Variants in USP10 observed in about 807,000 individuals in gnomAD.
USP10 encodes the protein ubiquitin specific peptidase 10.
In USP10, 22 loss-of-function variants were observed where a neutral mutation model predicts 84.5. The observed-to-expected ratio is 0.26, with a 90% CI of 0.19 to 0.37. The LOEUF (loss-of-function observed/expected upper bound fraction) is 0.37. USP10 is among the 10% of genes least tolerant of loss of function. The pLI is 1.00. For missense variants in USP10, 1,019 were observed against 998.9 expected, an observed-to-expected ratio of 1.02 and a Z score of -0.27; for synonymous variants, 454 against 387.6, an observed-to-expected ratio of 1.17 and a Z score of -2.01.
At chr16:84,718,993 T>G (rs1324579247) in intron 1 of USP10, among the ~76,000 whole-genome samples, 1 of 152,066 alleles carries the variant, frequency 6.6e-6, no homozygotes, top group East Asian at 2.0e-4. Context: ...GGTTTCACTA[T>G]GTAGGTCAAG....
chr16:84,749,794 C>G (rs1911688844), intron 4 of USP10, among the ~76,000 whole-genome samples: 1 of 152,076 alleles, frequency 6.6e-6, no homozygotes, highest in African/African-American at 2.4e-5. Flanking sequence ...ATACATTAAA[C>G]TCTTGATTAC....
intron 8 of USP10, among the ~76,000 whole-genome samples, chr16:84,762,124 C>T (rs944873109): frequency 6.6e-5 from 10 of 152,228 alleles, no homozygotes; most frequent in African/African-American, 2.2e-4. Context: ...TTATTAAACT[C>T]TTGGGTGACT....
chr16:84,720,576 ATTTT>A lies in USP10; in HGVS notation c.22-12839_22-12836del, dbSNP rs10699847. On this transcript the variant is annotated intron_variant, in intron 1 of 13. Transcript: ENST00000219473. ...ATGCAGAATAAAAAGATGATGCCCA[ATTTT>A]TTTTTTTTTTTTTTTTTTTGAGATG... Among the ~76,000 whole-genome samples the A allele has an allele frequency of 5.1e-4, 45 of 88,354 alleles. No individual in the cohort carries two copies. The East Asian group carries it at 8.8e-3, about 17-fold the overall frequency. 58.0% of individuals were successfully genotyped at this position (88,354 alleles called of 152,430 possible).
chr16:84,773,000 C>T (rs557102429), intron 12 of USP10, among the ~76,000 whole-genome samples: 101 of 152,142 alleles, frequency 6.6e-4, no homozygotes, highest in African/African-American at 2.2e-3. Context: ...TGCCTTCCAC[C>T]GAGTATTAAC....
intron 1 of USP10, among the ~76,000 whole-genome samples, chr16:84,705,027 G>GTC (rs1905294934): frequency 6.6e-6 from 1 of 152,198 alleles, no homozygotes; most frequent in Non-Finnish European, 1.5e-5. Context: ...AGAGTCCTCA[G>GTC]TCTCCTCCCC....
chr16:84,777,130 T>C (rs549277935), intron 13 of USP10, among the ~76,000 whole-genome samples: 1 of 152,360 alleles, frequency 6.6e-6, no homozygotes, highest in East Asian at 1.9e-4. Flanking sequence ...TTGTGGGGCC[T>C]GGGAGAAGCA....
intron 4 of USP10, among the ~76,000 whole-genome samples, chr16:84,746,849 T>C (rs1911283253): frequency 6.6e-6 from 1 of 152,250 alleles, no homozygotes; most frequent in Non-Finnish European, 1.5e-5. Flanking sequence ...TCTAAACTTT[T>C]TGACTCTTTC....
At chr16:84,753,673 C>T (rs1299426054) in intron 4 of USP10, among the ~76,000 whole-genome samples, 2 of 152,206 alleles carry the variant, frequency 1.3e-5, no homozygotes, top group Non-Finnish European at 2.9e-5. Flanking sequence ...CAGGAGCTGT[C>T]ATTTAGACTT....
At chr16:84,728,456 C>T (rs1303944278) in intron 1 of USP10, among the ~76,000 whole-genome samples, 1 of 152,048 alleles carries the variant, frequency 6.6e-6, no homozygotes, top group East Asian at 1.9e-4. Context: ...TCCCCTGCCT[C>T]AGCCTCCCGG....
At chr16:84,747,520 T>A (rs1158409923) in intron 4 of USP10, among the ~76,000 whole-genome samples, 1 of 151,860 alleles carries the variant, frequency 6.6e-6, no homozygotes, top group Non-Finnish European at 1.5e-5. Flanking sequence ...ACGTCGTTAT[T>A]TTGGGCTTCA....
intron 2 of USP10, among the ~76,000 whole-genome samples, chr16:84,734,632 A>G (rs1909660255): frequency 2.0e-5 from 3 of 152,094 alleles, no homozygotes; most frequent in African/African-American, 7.2e-5. Flanking sequence ...TACACTTTCA[A>G]CTTTAATGTC....
Position 84,759,468 on chromosome 16 carries a change from A to G in USP10, c.1390A>G (p.Ser464Gly). 2 of 1,613,660 alleles carry G rather than the reference A, an allele frequency of 1.2e-6. No homozygotes were observed. The highest frequency in any genetic ancestry group is 2.2e-5 in the East Asian group (1 of 44,886). Residue 464 changes from serine (S) to glycine (G), a missense_variant, in exon 6 of 14, where the codon AGC becomes GGC. Coordinates refer to ENST00000219473, the MANE Select transcript of USP10 (RefSeq NM_005153.3). ...RPCTSTPMID[S>G]FVRLMNEFTN... is the part of the protein sequence containing the mutation. ...TTGTACGTCAACACCCATGATAGAC[A>G]GCTTGTAAGTAAGGTGGTGAAAGAT...
At chr16:84,775,248 ACTT>A in intron 13 of USP10, 23 bp downstream of exon 13, 2 of 1,609,640 alleles carry the variant, frequency 1.2e-6, no homozygotes, top group Non-Finnish European at 1.7e-6. Context: ...GTACGACATT[ACTT>A]CTTCATTAAA....
At chr16:84,700,683 AG>A (rs1904748590) in intron 1 of USP10, among the ~76,000 whole-genome samples, 1 of 152,196 alleles carries the variant, frequency 6.6e-6, no homozygotes, top group Non-Finnish European at 1.5e-5. Context: ...GCTGTTGCAA[AG>A]AAAACTCGAA....
Position 84,700,115 on chromosome 16 carries a change from G to A in USP10, c.21+4G>A. The A allele has an allele frequency of 1.5e-6, 2 of 1,349,402 alleles. No individual in the cohort carries two copies. The highest frequency in any genetic ancestry group is 1.5e-5 in the African/African-American group (1 of 64,850). The allele number at this position is 1,349,402 out of a possible 1,614,324, so 83.6% of individuals were successfully genotyped here. On this transcript the variant is annotated splice_donor_region_variant and intron_variant, in intron 1 of 13. Transcript: ENST00000219473. Reference sequence around the variant, plus strand: ...CATGGCCCTCCACAGCCCGCAGGTAGCCGCCGGTCTGCGCCTTCGGCCGGA... The same window carrying A: ...CATGGCCCTCCACAGCCCGCAGGTAACCGCCGGTCTGCGCCTTCGGCCGGA...
At chr16:84,774,213 AGC>A (rs1377782798) in intron 12 of USP10, among the ~76,000 whole-genome samples, 1 of 151,900 alleles carries the variant, frequency 6.6e-6, no homozygotes, top group Non-Finnish European at 1.5e-5. Flanking sequence ...ACTGCACTCC[AGC>A]CTGGGCAACA....
chr16:84,750,994 G>T (rs1211985050), intron 4 of USP10, among the ~76,000 whole-genome samples: 1 of 152,204 alleles, frequency 6.6e-6, no homozygotes, highest in Non-Finnish European at 1.5e-5. Flanking sequence ...GAATTACCCT[G>T]TCCGTGTTTA....
At chr16:84,722,334 C>G (rs902828222) in intron 1 of USP10, among the ~76,000 whole-genome samples, 1 of 152,188 alleles carries the variant, frequency 6.6e-6, no homozygotes, top group Non-Finnish European at 1.5e-5. Flanking sequence ...TTGTCTCTTT[C>G]CTCTTGATAG....
At chr16:84,764,939 A>AAAAAAAATATATATAT (rs370383030) in intron 10 of USP10, among the ~76,000 whole-genome samples, 3 of 132,266 alleles carry the variant, frequency 2.3e-5, no homozygotes, top group South Asian at 2.7e-4. Flanking sequence ...GAGAAAAAAA[A>AAAAAAAATATATATAT]ATATATATAT....
Sources: allele counts gnomAD v4.1 joint callset (sites outside exome capture counted in the v4.1 genomes callset), GRCh38; gene constraint gnomAD v4.1.1; transcripts MANE v1.5; gene names NCBI Gene and HGNC (gene_info 2026-07-23, HGNC 2026-07-21).